MRTFA: variants seen among roughly 807,000 people sequenced by gnomAD.
MRTFA encodes myocardin-related transcription factor A.
Under a neutral mutation model 83.5 loss-of-function variants are expected in MRTFA, and 20 were observed. The observed-to-expected ratio is 0.24, with a 90% confidence interval of 0.17 to 0.35. The LOEUF (loss-of-function observed/expected upper bound fraction) is 0.35. Among genes scored for constraint, MRTFA ranks in the 10% least tolerant of loss-of-function variants. The pLI is 1.00. For synonymous variants in MRTFA, 659 were observed against 541.2 expected, an observed-to-expected ratio of 1.22 and a Z score of -3.02; for missense variants, 1,200 against 1,224.7, an observed-to-expected ratio of 0.98 and a Z score of 0.30.
At chr22:40,508,973 A>C (rs549921277) in intron 3 of MRTFA, among the ~76,000 whole-genome samples, 1 of 152,222 alleles carries the variant, frequency 6.6e-6, no homozygotes, top group Non-Finnish European at 1.5e-5. Context: ...CAGAAAATAC[A>C]TTGCACAGAA....
At position 40,425,228 on chromosome 22, in the gene MRTFA, A is replaced by T. The variant is rs1222885589; in HGVS notation, c.602-847T>A. Among the ~76,000 whole-genome samples, 5 of 152,334 alleles carry T rather than the reference A, an allele frequency of 3.3e-5. No homozygotes were observed. In the East Asian group the frequency reaches 9.6e-4, roughly 29 times the overall value. On this transcript the variant is annotated intron_variant, in intron 7 of 14. Transcript: ENST00000355630. ...GTTCCATGGGGTCCCAGTGGGAAGGAAAGATGGGAACAGAGGCAAGGAGGC... is the reference window on the plus strand; with the variant it reads ...GTTCCATGGGGTCCCAGTGGGAAGGTAAGATGGGAACAGAGGCAAGGAGGC...
chr22:40,487,845 A>C (rs1049653858), intron 3 of MRTFA, among the ~76,000 whole-genome samples: 2 of 152,162 alleles, frequency 1.3e-5, no homozygotes, highest in East Asian at 3.8e-4. Context: ...TATGGATATG[A>C]TACTGCCCTC....
intron 3 of MRTFA, among the ~76,000 whole-genome samples, chr22:40,514,052 T>TA (rs1387261558): frequency 6.6e-6 from 1 of 151,920 alleles, no homozygotes; most frequent in African/African-American, 2.4e-5. Context: ...GGTGAAGAGA[T>TA]AGAGAACAGA....
intron 1 of MRTFA, among the ~76,000 whole-genome samples, chr22:40,634,095 T>TC (rs543390290): frequency 1.7e-5 from 2 of 115,000 alleles, no homozygotes; most frequent in Non-Finnish European, 4.1e-5. Context: ...TTTATCAGGA[T>TC]TTTTTTTTTT....
chr22:40,499,071 A>G (rs1023885644), intron 3 of MRTFA, among the ~76,000 whole-genome samples: 1 of 152,172 alleles, frequency 6.6e-6, no homozygotes, highest in Non-Finnish European at 1.5e-5. Flanking sequence ...AAATATTCAC[A>G]GGGTAGAAAA....
rs1433628262 is a variant in MRTFA at position 40,419,050 on chromosome 22, A to G, written c.1688T>C (p.Leu563Pro). ...GGTGGAGTTTTCATCGCCCGTGCTGAGCAGTGAGCGCTCCGAGGGGGTGGG... is the reference window on the plus strand; with the variant it reads ...GGTGGAGTTTTCATCGCCCGTGCTGGGCAGTGAGCGCTCCGAGGGGGTGGG... Residue 563 changes from leucine (L) to proline (P), a missense_variant, in exon 12 of 15, where the codon CTC becomes CCC. Leu to Pro is a moderately conservative substitution (Grantham distance 98, BLOSUM62 -3). Transcript: ENST00000355630. 6 of 1,611,328 alleles carry G rather than the reference A, an allele frequency of 3.7e-6. No individual in the cohort carries two copies. In the South Asian group the frequency reaches 6.6e-5, roughly 18 times the overall value.
Position 40,579,397 on chromosome 22 carries a change from AAAT to A in MRTFA, c.-22+15274_-22+15276del, listed in dbSNP as rs1248848317. The stretch of plus-strand genomic sequence containing the variant: ...ATTATACACAGTAAACATTTATTAA[AAAT>A]AATAATATTCATAACAATAAACTTT... On this transcript the variant is annotated intron_variant, in intron 2 of 14. Transcript: ENST00000355630. Among the ~76,000 whole-genome samples the A allele has an allele frequency of 2.6e-5, 4 of 152,176 alleles. No homozygotes were observed. In the South Asian group the frequency reaches 8.3e-4, roughly 32 times the overall value.
intron 3 of MRTFA, among the ~76,000 whole-genome samples, chr22:40,507,566 A>G (rs2054599481): frequency 6.6e-6 from 1 of 151,726 alleles, no homozygotes; most frequent in Admixed American, 6.6e-5. Context: ...GCAGTGAGCT[A>G]TGACGGTGCC....
chr22:40,457,298 G>C (rs967263205), intron 4 of MRTFA, among the ~76,000 whole-genome samples: 1 of 151,994 alleles, frequency 6.6e-6, no homozygotes, highest in Non-Finnish European at 1.5e-5. Flanking sequence ...CCAGGAGGCG[G>C]AGGTTGCAGT....
At chr22:40,479,971 T>A (rs2054059994) in intron 3 of MRTFA, among the ~76,000 whole-genome samples, 1 of 152,166 alleles carries the variant, frequency 6.6e-6, no homozygotes, top group Non-Finnish European at 1.5e-5. Flanking sequence ...AATAAGCTTA[T>A]GAAAATCTAA....
At chr22:40,491,793 A>G (rs2054276462) in intron 3 of MRTFA, among the ~76,000 whole-genome samples, 1 of 152,222 alleles carries the variant, frequency 6.6e-6, no homozygotes, top group Admixed American at 6.5e-5. Context: ...AGGTCATGAA[A>G]TGCACCCTAC....
intron 3 of MRTFA, among the ~76,000 whole-genome samples, chr22:40,470,230 T>G (rs2053876004): frequency 1.9e-5 from 1 of 52,588 alleles, no homozygotes; most frequent in Non-Finnish European, 3.4e-5. Context: ...TCTCCAAAAT[T>G]TTATATATAT....
At chr22:40,535,311 A>C (rs1251313100) in intron 3 of MRTFA, among the ~76,000 whole-genome samples, 3 of 138,324 alleles carry the variant, frequency 2.2e-5, no homozygotes, top group African/African-American at 8.1e-5. Flanking sequence ...CTTGGTCCTT[A>C]TGTGGGCTGT....
chr22:40,487,932 T>A (rs1222750392), intron 3 of MRTFA, among the ~76,000 whole-genome samples: 1 of 152,094 alleles, frequency 6.6e-6, no homozygotes, highest in Non-Finnish European at 1.5e-5. Context: ...ACCTACCATG[T>A]ATAAAAATGC....
chr22:40,565,734 T>C (rs545127888), intron 2 of MRTFA, among the ~76,000 whole-genome samples: 2 of 152,060 alleles, frequency 1.3e-5, no homozygotes, highest in Non-Finnish European at 2.9e-5. Context: ...CAATAAAAAG[T>C]TTTTGGATAA....
intron 1 of MRTFA, among the ~76,000 whole-genome samples, chr22:40,608,575 T>C (rs1050591440): frequency 9.9e-5 from 15 of 152,120 alleles, no homozygotes; most frequent in African/African-American, 3.4e-4. Context: ...TCAAATCCAT[T>C]TTACAAATGA....
chr22:40,602,330 G>A (rs1365650553), intron 1 of MRTFA, among the ~76,000 whole-genome samples: 2 of 152,144 alleles, frequency 1.3e-5, no homozygotes, highest in Non-Finnish European at 2.9e-5. Flanking sequence ...CTTCAATACA[G>A]GAGTTAACTA....
At chr22:40,462,136 T>C (rs747541832) in intron 4 of MRTFA, among the ~76,000 whole-genome samples, 9 of 152,238 alleles carry the variant, frequency 5.9e-5, no homozygotes, top group Non-Finnish European at 7.3e-5. Context: ...CTATTACTTA[T>C]TAACACACCA....
chr22:40,535,281 T>C (rs974642902), intron 3 of MRTFA, among the ~76,000 whole-genome samples: 2 of 151,912 alleles, frequency 1.3e-5, no homozygotes, highest in Non-Finnish European at 2.9e-5. Context: ...CCCTAAAAGG[T>C]TGAGAAGATT....
Sources: allele counts gnomAD v4.1 joint callset (sites outside exome capture counted in the v4.1 genomes callset), GRCh38; gene constraint gnomAD v4.1.1; transcripts MANE v1.5; gene names NCBI Gene and HGNC (gene_info 2026-07-23, HGNC 2026-07-21).